Variants in MYO15A observed in about 807,000 individuals in gnomAD.
MYO15A encodes the protein unconventional myosin-XV.
Under a neutral mutation model 394.6 loss-of-function variants are expected in MYO15A, and 308 were observed. The observed-to-expected ratio is 0.78, with a 90% confidence interval of 0.71 to 0.86. The LOEUF is 0.86. Ranked by LOEUF, MYO15A falls within the 40% of genes least tolerant of loss-of-function variation. The pLI is 0.00. For synonymous variants in MYO15A, 1,957 were observed against 2,003.8 expected, an observed-to-expected ratio of 0.98 and a Z score of 0.62; for missense variants, 4,606 against 4,799.1, an observed-to-expected ratio of 0.96 and a Z score of 1.19.
At chr17:18,113,229 T>G (rs1166208898) in intron 1 of MYO15A, among the ~76,000 whole-genome samples, 2 of 152,136 alleles carry the variant, frequency 1.3e-5, no homozygotes, top group African/African-American at 4.8e-5. Context: ...CACAACTCAC[T>G]GCAGCCTCAA....
In MYO15A at chr17:18,118,938, G is replaced by T. The variant is rs755813626; in HGVS notation, c.138G>T (p.Lys46Asn). 1 of 1,613,588 alleles carries T rather than the reference G, an allele frequency of 6.2e-7. No homozygotes were observed. Among genetic ancestry groups the T allele is most frequent in the Non-Finnish European group, 8.5e-7 (1 of 1,180,034 alleles). The change falls in exon 2 of 66, where the codon AAG (lysine) becomes AAT (asparagine). Residue 46 changes from lysine to asparagine, a missense_variant. Physicochemically the swap from Lys to Asn is moderately conservative, Grantham distance 94 (BLOSUM62 0). Transcript: ENST00000647165. ...LFMGFRDRTP[K>N]ISKKGQFRSA... Reference sequence around the variant, plus strand: ...TGGGCTTCCGCGACCGTACACCCAAGATCTCCAAGAAGGGCCAGTTCCGCA... The same window carrying T: ...TGGGCTTCCGCGACCGTACACCCAATATCTCCAAGAAGGGCCAGTTCCGCA...
At chr17:18,109,252 G>A (rs2045692416) in intron 1 of MYO15A, 2 of 152,440 alleles carry the variant, frequency 1.3e-5, no homozygotes, top group South Asian at 4.1e-4. Flanking sequence ...TTGTCCCCAA[G>A]GCTGGCTGGC....
chr17:18,158,390 G>A (rs2046720226), intron 51 of MYO15A, 133 bp from the exon 52 acceptor site: 2 of 687,206 alleles, frequency 2.9e-6, no homozygotes, highest in East Asian at 2.8e-5. Flanking sequence ...ATGCGGGTGG[G>A]TCCACAGGGA....
rs1248557646 is a variant in MYO15A at position 18,119,168 on chromosome 17, G to A, written c.368G>A (p.Arg123His). The change falls in exon 2 of 66, where the codon CGC becomes CAC. Residue 123 changes from arginine to histidine, a missense_variant. Coordinates refer to ENST00000647165, the MANE Select transcript of MYO15A (RefSeq NM_016239.4). ...GRRGYGRLRP[R>H]ARSLSKASTA... The stretch of plus-strand genomic sequence containing the variant: ...CGTGGCTACGGCCGCCTGCGGCCGC[G>A]CGCCCGGTCACTCAGCAAAGCGTCC... The A allele has an allele frequency of 2.5e-6, 4 of 1,612,190 alleles. No homozygotes were observed. Among genetic ancestry groups the A allele is most frequent in the Non-Finnish European group, 3.4e-6 (4 of 1,179,738 alleles).
At chr17:18,161,264 G>A (rs1465833431) in intron 56 of MYO15A, 53 bp from the exon 57 acceptor site, 1 of 1,601,184 alleles carries the variant, frequency 6.2e-7, no homozygotes, top group Non-Finnish European at 8.5e-7. Context: ...GAGGCTCTTG[G>A]CACACTCTAG....
intron 3 of MYO15A, chr17:18,124,823 C>A: frequency 3.4e-6 from 2 of 588,268 alleles, no homozygotes; most frequent in Non-Finnish European, 3.0e-6. Flanking sequence ...TTCTCATCCA[C>A]AAAATGGGAG....
At position 18,153,274 on chromosome 17, in the gene MYO15A, C is replaced by T. The variant is rs1445495995; in HGVS notation, c.7967-501C>T. 1 of 152,574 alleles carries T rather than the reference C, an allele frequency of 6.6e-6. No individual in the cohort carries two copies. Among genetic ancestry groups the T allele is most frequent in the East Asian group, 1.9e-4 (1 of 5,198 alleles). 9.5% of individuals were successfully genotyped at this position (152,574 alleles called of 1,614,324 possible). On this transcript the variant is annotated intron_variant, in intron 42 of 65. Transcript: ENST00000647165. The surrounding 1 kb of genome is among the most constrained non-coding windows in gnomAD (Gnocchi z 4.1). ...AAAATTAGCTGGGCGTGGTGGTGGG[C>T]ACATCCAATAGGTGTTTTTATGTGT...
intron 65 of MYO15A, among the ~76,000 whole-genome samples, chr17:18,176,384 C>T (rs1192372857): frequency 6.6e-6 from 1 of 152,012 alleles, no homozygotes; most frequent in African/African-American, 2.4e-5. Flanking sequence ...GCCCAAACAG[C>T]CGTCTCTCGT....
intron 45 of MYO15A, 147 bp from the exon 46 acceptor site, chr17:18,154,963 A>T (rs2046649752): frequency 9.5e-6 from 9 of 942,788 alleles, no homozygotes; most frequent in Non-Finnish European, 1.3e-5. Flanking sequence ...TGGCCATCTC[A>T]TCCATTTCTG....
intron 1 of MYO15A, among the ~76,000 whole-genome samples, chr17:18,113,068 C>T (rs1331721854): frequency 1.3e-5 from 2 of 152,008 alleles, no homozygotes; most frequent in African/African-American, 4.8e-5. Context: ...AGGCTGGTCT[C>T]GAACTCCTGA....
intron 51 of MYO15A, 96 bp downstream of exon 51, chr17:18,157,996 C>G: frequency 2.1e-6 from 3 of 1,415,924 alleles, no homozygotes; most frequent in African/African-American, 2.9e-5. Flanking sequence ...GGGCCAAGGG[C>G]CTGGCCAGGC....
chr17:18,112,172 T>C (rs894705613), intron 1 of MYO15A, among the ~76,000 whole-genome samples: 1 of 152,022 alleles, frequency 6.6e-6, no homozygotes, highest in African/African-American at 2.4e-5. Context: ...TGGGAGGTGC[T>C]CTTGGGCCTG....
chr17:18,157,354 G>A (rs1310086022), intron 50 of MYO15A, 124 bp downstream of exon 50: 1 of 1,341,290 alleles, frequency 7.5e-7, no homozygotes, highest in Middle Eastern at 1.8e-4. Context: ...GGTCTCCTAA[G>A]GTCCAGCCGT....
rs148723625 is a variant in MYO15A, at chr17:18,126,364, C to T, written c.3774C>T (p.Ile1258=). ...RNLIYTYIGS[I]LVSVNPYQMF... ...CCCAGCAGACATACATTGGGAGCAT[C>T]CTGGTGTCGGTGAACCCATACCAAA... Residue 1258 remains isoleucine (I), a synonymous_variant, in exon 5 of 66, where the codon ATC becomes ATT. Transcript: ENST00000647165. 3.3e-3 allele frequency: 5,292 copies of T among 1,613,972 alleles called. 14 individuals are homozygous for T. Among genetic ancestry groups the T allele is most frequent in the Non-Finnish European group, 3.9e-3 (4,644 of 1,179,924 alleles).
At chr17:18,164,825 C>CT (rs1049195501) in intron 60 of MYO15A, 3 of 93,382 alleles carry the variant, frequency 3.2e-5, no homozygotes, top group African/African-American at 1.4e-4. Context: ...GAGTGAGACT[C>CT]TATCTGCAAA....
At chr17:18,172,374 C>T (rs775024427) in intron 64 of MYO15A, 84 bp downstream of exon 64, 15 of 1,589,350 alleles carry the variant, frequency 9.4e-6, no homozygotes, top group Admixed American at 6.8e-5. Context: ...GACCTCCAGC[C>T]GCCGAAGCCC....
At position 18,140,827 on chromosome 17, in the gene MYO15A, A is replaced by C; in HGVS notation, c.5401A>C (p.Lys1801Gln). 1 of 1,614,090 alleles carries C rather than the reference A, an allele frequency of 6.2e-7. No homozygotes were observed. The highest frequency in any genetic ancestry group is 8.5e-7 in the Non-Finnish European group (1 of 1,180,030). Residue 1801 changes from lysine (K) to glutamine (Q), a missense_variant, in exon 21 of 66, where the codon AAG becomes CAG. Lys to Gln is a moderately conservative substitution (Grantham distance 53, BLOSUM62 1). Transcript: ENST00000647165. ...CATGCGTTGCCTGAAGCCCAACCAC[A>C]AGAAGGTGAGTGAGAGCTGAGGCCT... is the stretch of plus-strand genomic sequence containing the variant. ...LFMRCLKPNHKKEPGLFEPDV... is the reference protein window; with the variant it reads ...LFMRCLKPNHQKEPGLFEPDV...
chr17:18,136,365 C>T lies in MYO15A; in HGVS notation c.4597-52C>T, dbSNP rs74372818. On this transcript the variant is annotated intron_variant, in intron 13 of 65. Coordinates refer to ENST00000647165, the MANE Select transcript of MYO15A (RefSeq NM_016239.4). Reference sequence around the variant, plus strand: ...CTCCCTTAGTCCCCTGGGGGCTTTCCGGAGGCAGAGTGGCCAGCCTGATGT... The same window carrying T: ...CTCCCTTAGTCCCCTGGGGGCTTTCTGGAGGCAGAGTGGCCAGCCTGATGT... 0.016 allele frequency: 24,933 copies of T among 1,608,462 alleles called. 555 individuals carry two copies. Among genetic ancestry groups the T allele is most frequent in the African/African-American group, 0.1 (7,856 of 74,952 alleles).
In MYO15A at chr17:18,153,953, A is replaced by C; in HGVS notation, c.8088+57A>C. 4 of 1,609,852 alleles carry C rather than the reference A, an allele frequency of 2.5e-6. No homozygotes were observed. Among genetic ancestry groups the C allele is most frequent in the Middle Eastern group, 1.7e-4 (1 of 6,050 alleles). On this transcript the variant is annotated intron_variant, in intron 43 of 65. Coordinates refer to ENST00000647165, the MANE Select transcript of MYO15A (RefSeq NM_016239.4). The surrounding 1 kb of genome is among the most constrained non-coding windows in gnomAD (Gnocchi z 4.1). The stretch of plus-strand genomic sequence containing the variant: ...CTGAAGCGGGGCAGGGGAGGGGCTG[A>C]AGCGAGCAGAGGAGGGTCTAGGACT...
Sources: gnomAD v4.1 joint callset for allele counts (sites outside exome capture counted in the v4.1 genomes callset) on GRCh38, gnomAD v4.1.1 for gene constraint, Gnocchi (gnomAD v3.1) non-coding constraint, MANE v1.5 for transcripts, NCBI Gene and HGNC (gene_info 2026-07-23, HGNC 2026-07-21) for gene names.